The following ADGRL2 variants were observed in gnomAD, a reference collection of about 807,000 sequenced individuals.
ADGRL2 encodes adhesion G protein-coupled receptor L2.
Under a neutral mutation model 157.4 loss-of-function variants are expected in ADGRL2, and 44 were observed. The observed-to-expected ratio is 0.28, with a 90% CI of 0.22 to 0.36. The LOEUF (loss-of-function observed/expected upper bound fraction) is 0.36, where lower values mean the gene tolerates loss of function less well. ADGRL2 is among the 10% of genes least tolerant of loss of function. The pLI, the probability that ADGRL2 is intolerant of heterozygous loss-of-function variation, is 1.00. For missense variants in ADGRL2, 1,510 were observed against 1,768.9 expected (o/e 0.85, Z 2.63); for synonymous variants, 585 against 624.7 (o/e 0.94, Z 0.95).
chr1:81,493,241 T>G (rs1269896011), intron 2 of ADGRL2, among the ~76,000 whole-genome samples: 5 of 152,208 alleles, frequency 3.3e-5, no homozygotes, highest in African/African-American at 1.2e-4. Flanking sequence ...AATAGCATGA[T>G]AGCTCAGCAG....
At chr1:81,483,010 AT>A in intron 2 of ADGRL2, among the ~76,000 whole-genome samples, 1 of 152,058 alleles carries the variant, frequency 6.6e-6, no homozygotes, top group African/African-American at 2.4e-5. Flanking sequence ...TTATGGAGCT[AT>A]TTTTTTATTT....
At chr1:81,661,573 C>CT (rs1357881090) in intron 3 of ADGRL2, among the ~76,000 whole-genome samples, 1 of 152,094 alleles carries the variant, frequency 6.6e-6, no homozygotes, top group Non-Finnish European at 1.5e-5. Context: ...GTGGTCAAAA[C>CT]TTTTTTAAAA....
chr1:81,366,886 G>A (rs1570739882), intron 1 of ADGRL2, among the ~76,000 whole-genome samples: 1 of 152,160 alleles, frequency 6.6e-6, no homozygotes, highest in Non-Finnish European at 1.5e-5. Context: ...GTCTCTTTAA[G>A]CATTGCTGTA....
At chr1:81,726,085 C>G (rs2084519562) in intron 1 of ADGRL2, among the ~76,000 whole-genome samples, 1 of 152,200 alleles carries the variant, frequency 6.6e-6, no homozygotes, top group Non-Finnish European at 1.5e-5. Flanking sequence ...ATCTCAATGA[C>G]CTGTTTTCTC....
At chr1:81,924,915 T>C (rs1179602384) in intron 3 of ADGRL2, among the ~76,000 whole-genome samples, 2 of 152,168 alleles carry the variant, frequency 1.3e-5, no homozygotes, top group Admixed American at 1.3e-4. Flanking sequence ...ATACATAATT[T>C]ATGCTCATAT....
At chr1:81,383,582 C>A (rs1371045037) in intron 1 of ADGRL2, among the ~76,000 whole-genome samples, 9 of 151,568 alleles carry the variant, frequency 5.9e-5, no homozygotes, top group African/African-American at 1.7e-4. Flanking sequence ...TAGATACACT[C>A]TGCAAAATTT....
chr1:81,575,107 A>C (rs778667186), intron 2 of ADGRL2, among the ~76,000 whole-genome samples: 3 of 152,214 alleles, frequency 2.0e-5, no homozygotes, highest in Non-Finnish European at 2.9e-5. Flanking sequence ...ACTAATTTCA[A>C]AACACATACT....
chr1:81,476,619 A>G (rs1003044357), intron 2 of ADGRL2, among the ~76,000 whole-genome samples: 8 of 151,984 alleles, frequency 5.3e-5, no homozygotes, highest in Admixed American at 6.6e-5. Flanking sequence ...TTTCCTGTCA[A>G]TTCTTTTCAA....
At chr1:81,635,850 T>C (rs529608541) in intron 3 of ADGRL2, among the ~76,000 whole-genome samples, 1 of 152,356 alleles carries the variant, frequency 6.6e-6, no homozygotes, top group Non-Finnish European at 1.5e-5. Context: ...TTCAAGTAGC[T>C]TCCATCAGTC....
chr1:81,324,848 C>T (rs1660783471), intron 1 of ADGRL2, among the ~76,000 whole-genome samples: 1 of 151,934 alleles, frequency 6.6e-6, no homozygotes, highest in Non-Finnish European at 1.5e-5. Context: ...TCCCAGGTAG[C>T]TGGGATTGCA....
intron 2 of ADGRL2, among the ~76,000 whole-genome samples, chr1:81,493,512 T>C (rs532145269): frequency 2.0e-5 from 3 of 152,302 alleles, no homozygotes; most frequent in East Asian, 3.9e-4. Flanking sequence ...ATTTGTATAA[T>C]ACATCAAAAA....
At chr1:81,735,607 T>C (rs2084868830) in intron 1 of ADGRL2, among the ~76,000 whole-genome samples, 1 of 150,914 alleles carries the variant, frequency 6.6e-6, no homozygotes, top group Admixed American at 6.6e-5. Flanking sequence ...CTAGCCAACA[T>C]GGTGAAACCC....
At chr1:81,980,910 A>G in intron 18 of ADGRL2, 2 of 595,752 alleles carry the variant, frequency 3.4e-6, no homozygotes, top group Admixed American at 5.1e-5. Flanking sequence ...CAGTATCATG[A>G]ATTGCCCTTA....
chr1:81,980,894 A>G (rs1661474578), intron 18 of ADGRL2: 1 of 616,794 alleles, frequency 1.6e-6, no homozygotes, highest in African/African-American at 1.9e-5. Flanking sequence ...TTTTTTACAA[A>G]TTCGTCAGTA....
At chr1:81,551,611 G>A (rs566845211) in intron 2 of ADGRL2, among the ~76,000 whole-genome samples, 2 of 152,104 alleles carry the variant, frequency 1.3e-5, no homozygotes, top group South Asian at 2.1e-4. Flanking sequence ...CTGTGATTAT[G>A]TGCACTTATG....
intron 1 of ADGRL2, among the ~76,000 whole-genome samples, chr1:81,327,306 G>A (rs2100669499): frequency 6.6e-6 from 1 of 152,246 alleles, no homozygotes; most frequent in South Asian, 2.1e-4. Context: ...TATCTTCTAG[G>A]AGATCTGCGG....
intron 1 of ADGRL2, among the ~76,000 whole-genome samples, chr1:81,802,740 A>T (rs950899191): frequency 6.6e-6 from 1 of 152,046 alleles, no homozygotes; most frequent in South Asian, 2.1e-4. Context: ...CCGCACTGTA[A>T]GTGGAGCGGG....
chr1:81,501,679 AG>A (rs2078851431), intron 2 of ADGRL2: 2 of 1,534,348 alleles, frequency 1.3e-6, no homozygotes, highest in Admixed American at 3.7e-5. Context: ...GAAAACCCGG[AG>A]TGCCCCGCAC....
intron 2 of ADGRL2, among the ~76,000 whole-genome samples, chr1:81,899,371 A>G (rs1480789134): frequency 6.6e-6 from 1 of 152,160 alleles, no homozygotes; most frequent in African/African-American, 2.4e-5. Context: ...GCATCTGTTT[A>G]TTAGGAATTA....
Sources: gnomAD v4.1 joint callset for allele counts (sites outside exome capture counted in the v4.1 genomes callset) on GRCh38, gnomAD v4.1.1 for gene constraint, MANE v1.5 for transcripts, NCBI Gene and HGNC (gene_info 2026-07-23, HGNC 2026-07-21) for gene names.